Variants in MEGF11 observed in about 807,000 individuals in gnomAD.
MEGF11 encodes the protein multiple EGF like domains 11, also known as multiple epidermal growth factor-like domains protein 11.
In MEGF11, 126 loss-of-function variants were observed where a neutral mutation model predicts 146.6. That is an observed-to-expected ratio of 0.86 (90% CI 0.74 to 1.00). The LOEUF is 1.00. Among genes scored for constraint, MEGF11 ranks in the 50% least tolerant of loss-of-function variants. MEGF11 has a pLI of 0.00. For missense variants in MEGF11, 1,509 were observed against 1,521.2 expected (o/e 0.99, Z 0.13); for synonymous variants, 532 against 583.4 (o/e 0.91, Z 1.27).
chr15:66,045,692 C>T (rs1400947658), intron 5 of MEGF11, among the ~76,000 whole-genome samples: 1 of 152,236 alleles, frequency 6.6e-6, no homozygotes, highest in African/African-American at 2.4e-5. Context: ...TCTCTAACAA[C>T]TGCAGTGCTT....
chr15:66,002,148 G>A (rs1381059757), intron 5 of MEGF11, among the ~76,000 whole-genome samples: 1 of 152,140 alleles, frequency 6.6e-6, no homozygotes, highest in East Asian at 1.9e-4. Context: ...CATCTTGGTG[G>A]TGGGGAGACA....
chr15:66,063,498 G>A (rs1263343366), intron 5 of MEGF11, among the ~76,000 whole-genome samples: 1 of 152,190 alleles, frequency 6.6e-6, no homozygotes, highest in African/African-American at 2.4e-5. Context: ...ATACAGCCTG[G>A]CCTTCATTCT....
intron 1 of MEGF11, among the ~76,000 whole-genome samples, chr15:66,184,542 T>C (rs2090641809): frequency 6.6e-6 from 1 of 151,356 alleles, no homozygotes; most frequent in African/African-American, 2.4e-5. Context: ...CTCCTCACTC[T>C]CCCCACAACC....
intron 10 of MEGF11, among the ~76,000 whole-genome samples, chr15:65,939,726 C>G (rs187812680): frequency 6.6e-6 from 1 of 152,088 alleles, no homozygotes; most frequent in African/African-American, 2.4e-5. Flanking sequence ...AACTCTTGAC[C>G]TCGTGATCCA....
chr15:66,164,833 A>G (rs924819726), intron 1 of MEGF11, among the ~76,000 whole-genome samples: 1 of 152,254 alleles, frequency 6.6e-6, no homozygotes, highest in Non-Finnish European at 1.5e-5. Flanking sequence ...ACCAGAGAAC[A>G]TTTGAAATTG....
chr15:66,112,128 A>T (rs561728299), intron 4 of MEGF11, among the ~76,000 whole-genome samples: 67 of 152,206 alleles, frequency 4.4e-4, no homozygotes, highest in Non-Finnish European at 7.5e-4. Context: ...GCCATAATGG[A>T]GAATCAGCAG....
intron 1 of MEGF11, among the ~76,000 whole-genome samples, chr15:66,249,453 G>C (rs1415684746): frequency 6.6e-6 from 1 of 152,074 alleles, no homozygotes; most frequent in Non-Finnish European, 1.5e-5. Context: ...CAGAGCCACC[G>C]GGCATGGAGT....
At chr15:66,105,747 G>T (rs1427469788) in intron 4 of MEGF11, among the ~76,000 whole-genome samples, 2 of 152,200 alleles carry the variant, frequency 1.3e-5, no homozygotes, top group African/African-American at 2.4e-5. Flanking sequence ...CTTGCCAAAA[G>T]TTTAGCTGAG....
chr15:65,922,977 C>T lies in MEGF11; in HGVS notation c.1676-8G>A. 6.2e-7 allele frequency: 1 copy of T among 1,611,328 alleles called. No homozygotes were observed. The highest frequency in any genetic ancestry group is 8.5e-7 in the Non-Finnish European group (1 of 1,179,126). On this transcript the variant is annotated splice_region_variant and splice_polypyrimidine_tract_variant and intron_variant, in intron 13 of 25. Coordinates refer to ENST00000395614, the MANE Select transcript of MEGF11 (RefSeq NM_001385028.1). The stretch of plus-strand genomic sequence containing the variant: ...TGCTGTCACAGCGGATGCCTGTGGG[C>T]CAGAGGCAGACTCGGGTCAGTGGTA...
intron 10 of MEGF11, among the ~76,000 whole-genome samples, chr15:65,951,142 C>A (rs2080387484): frequency 6.6e-6 from 1 of 152,066 alleles, no homozygotes; most frequent in African/African-American, 2.4e-5. Flanking sequence ...ACAGTGGAAA[C>A]AAAGGGATGG....
chr15:65,916,095 A>G, intron 18 of MEGF11, 53 bp downstream of exon 18: 3 of 1,523,498 alleles, frequency 2.0e-6, no homozygotes, highest in Non-Finnish European at 2.7e-6. Flanking sequence ...CATCCTCTGC[A>G]GGAGGGTAGG....
chr15:66,065,120 C>T (rs1351032), intron 5 of MEGF11, among the ~76,000 whole-genome samples: 133,561 of 152,212 alleles, frequency 0.88, 59,836 homozygotes, highest in East Asian at 0.96. Context: ...AATGCTGCCA[C>T]GGGTGGGGCA....
chr15:66,251,171 T>G (rs2092364917), intron 1 of MEGF11, among the ~76,000 whole-genome samples: 2 of 152,308 alleles, frequency 1.3e-5, no homozygotes, highest in South Asian at 2.1e-4. Context: ...AAAGGCCCAG[T>G]GCTCATTGGC....
chr15:66,171,126 T>C (rs1325787455), intron 1 of MEGF11, among the ~76,000 whole-genome samples: 2 of 152,252 alleles, frequency 1.3e-5, no homozygotes, highest in African/African-American at 2.4e-5. Context: ...AGAGGACTCC[T>C]GCATGGTGAA....
chr15:65,913,590 A>G (rs2078887059), intron 20 of MEGF11, 147 bp downstream of exon 20: 2 of 694,250 alleles, frequency 2.9e-6, no homozygotes, highest in South Asian at 1.8e-5. Flanking sequence ...TTCTCTAGGT[A>G]GGCTCCTGCT....
intron 4 of MEGF11, among the ~76,000 whole-genome samples, chr15:66,114,855 G>A (rs761762153): frequency 2.0e-5 from 3 of 152,200 alleles, no homozygotes; most frequent in Admixed American, 6.5e-5. Flanking sequence ...AAAGGCAGAC[G>A]AAATTGTACA....
intron 5 of MEGF11, among the ~76,000 whole-genome samples, chr15:66,091,957 G>T (rs987057060): frequency 5.3e-5 from 8 of 152,226 alleles, no homozygotes; most frequent in African/African-American, 1.9e-4. Context: ...GGTTTCTTCT[G>T]TGCAGCCTCA....
chr15:66,134,361 G>C lies in MEGF11; in HGVS notation c.-8-5950C>G, dbSNP rs114050551. On this transcript the variant is annotated intron_variant, in intron 1 of 25. Coordinates refer to ENST00000395614, the MANE Select transcript of MEGF11 (RefSeq NM_001385028.1). ...GGGAGAAAACTTATCTATGTTCTTA[G>C]GCCATTCCATTTCTCACAAAGCAAT... Among the ~76,000 whole-genome samples the C allele has an allele frequency of 6.2e-3, 938 of 152,144 alleles. 14 individuals are homozygous for C. The highest frequency in any genetic ancestry group is 0.021 in the African/African-American group (884 of 41,506).
At chr15:65,898,163 G>T in intron 25 of MEGF11, 69 bp from the exon 26 acceptor site, 2 of 1,523,464 alleles carry the variant, frequency 1.3e-6, no homozygotes, top group Non-Finnish European at 1.8e-6. Flanking sequence ...GAGAGGAAGA[G>T]AGTTCTACTT....
Sources: gnomAD v4.1 joint callset for allele counts (sites outside exome capture counted in the v4.1 genomes callset) on GRCh38, gnomAD v4.1.1 for gene constraint, MANE v1.5 for transcripts, NCBI Gene and HGNC (gene_info 2026-07-23, HGNC 2026-07-21) for gene names.